CHDH: variants seen among roughly 807,000 people sequenced by gnomAD.
CHDH encodes the protein choline dehydrogenase.
CHDH carries 43 observed loss-of-function variants against 56.9 expected under a neutral mutation model. That is an observed-to-expected ratio of 0.76 (90% confidence interval 0.59 to 0.97). CHDH has a LOEUF of 0.97. Among genes scored for constraint, CHDH ranks in the 50% least tolerant of loss-of-function variants. The pLI, the probability that CHDH is intolerant of heterozygous loss-of-function variation, is 0.00. For synonymous variants in CHDH, 364 were observed against 348.5 expected, an observed-to-expected ratio of 1.04 and a Z score of -0.50; for missense variants, 816 against 821.1, an observed-to-expected ratio of 0.99 and a Z score of 0.08.
intron 1 of CHDH, among the ~76,000 whole-genome samples, chr3:53,844,123 C>G (rs1202485911): frequency 6.6e-6 from 1 of 152,180 alleles, no homozygotes; most frequent in African/African-American, 2.4e-5. Flanking sequence ...GAAACTGAAC[C>G]AGGTATCACC....
At position 53,819,505 on chromosome 3, in the gene CHDH, G is replaced by A. The variant is rs2095621983; in HGVS notation, c.1263+27C>T. On this transcript the variant is annotated intron_variant, in intron 7 of 8. Coordinates refer to ENST00000315251, the MANE Select transcript of CHDH (RefSeq NM_018397.5). The surrounding 1 kb of genome is among the most constrained non-coding windows in gnomAD (Gnocchi z 5.4). ...TCCTGGTGGGAAGGAGACATCCTGGGAAGCCGAGGCTCTTCCACCTGCTCA... is the reference window on the plus strand; with the variant it reads ...TCCTGGTGGGAAGGAGACATCCTGGAAAGCCGAGGCTCTTCCACCTGCTCA... 6.3e-7 allele frequency: 1 copy of A among 1,580,900 alleles called. No homozygotes were observed. Among genetic ancestry groups the A allele is most frequent in the South Asian group, 1.2e-5 (1 of 85,588 alleles).
intron 2 of CHDH, among the ~76,000 whole-genome samples, chr3:53,834,163 T>C (rs1698424118): frequency 6.6e-6 from 1 of 152,180 alleles, no homozygotes; most frequent in Non-Finnish European, 1.5e-5. Flanking sequence ...TAGTCAAAAA[T>C]TGGCCAGGTG....
rs1477632036 is a variant in CHDH at position 53,821,771 on chromosome 3, A to G, written c.861T>C (p.Tyr287=). ...YVKNGQSHRA[Y]ASKEVILSGG... ...CACTCAGAATCACCTCCTTGCTGGC[A>G]TAAGCCTGGAAGAGGTCCAGCCAGG... is the stretch of plus-strand genomic sequence containing the variant. The change falls in exon 5 of 9, where the codon TAT becomes TAC. Residue 287 remains tyrosine (Y), a synonymous_variant. Transcript: ENST00000315251. 1.9e-6 allele frequency: 3 copies of G among 1,613,864 alleles called. No individual in the cohort carries two copies. The highest frequency in any genetic ancestry group is 1.7e-4 in the Middle Eastern group (1 of 6,060).
At chr3:53,825,481 T>A (rs182804331) in intron 2 of CHDH, among the ~76,000 whole-genome samples, 1 of 152,052 alleles carries the variant, frequency 6.6e-6, no homozygotes, top group Non-Finnish European at 1.5e-5. Context: ...AGAAGAACAA[T>A]TTTTAATTGG....
intron 2 of CHDH, among the ~76,000 whole-genome samples, chr3:53,837,940 T>C (rs1698551356): frequency 8.6e-5 from 13 of 151,312 alleles, no homozygotes; most frequent in Admixed American, 8.6e-4. Context: ...CGCCTTGTAG[T>C]CCCAGCTACT....
In CHDH at chr3:53,818,071, C is replaced by T; in HGVS notation, c.1491G>A (p.Glu497=). ...CTTTTGCCCGCACAAAGGCATCTAT[C>T]TCTTTATCTGACTGAATGTGGCTTC... ...QPGSHIQSDK[E]IDAFVRAKAD... Residue 497 remains glutamate (E), a synonymous_variant, in exon 9 of 9, where the codon GAG becomes GAA. Coordinates refer to ENST00000315251, the MANE Select transcript of CHDH (RefSeq NM_018397.5). 6.2e-7 allele frequency: 1 copy of T among 1,614,214 alleles called. No individual in the cohort carries two copies. The highest frequency in any genetic ancestry group is 1.3e-5 in the African/African-American group (1 of 75,062).
At chr3:53,834,021 G>GCAC (rs1698418927) in intron 2 of CHDH, among the ~76,000 whole-genome samples, 2 of 152,040 alleles carry the variant, frequency 1.3e-5, no homozygotes, top group East Asian at 3.9e-4. Context: ...TGGCCACAGT[G>GCAC]GGTGGATCAA....
Position 53,812,523 on chromosome 3 carries a change from GTACCTTT to G in CHDH, c.*5247_*5253del, listed in dbSNP as rs1366244126. ...GCAAGAGTTCCATGATTTTGATACT[GTACCTTT>G]GGATCCACCATGGGTTGCAACTGTC... On this transcript the variant is annotated 3_prime_UTR_variant, in exon 9 of 9. Coordinates refer to ENST00000315251, the MANE Select transcript of CHDH (RefSeq NM_018397.5). The G allele has an allele frequency of 7.2e-5, 11 of 152,140 alleles. No homozygotes were observed. Among genetic ancestry groups the G allele is most frequent in the Non-Finnish European group, 1.5e-4 (10 of 68,030 alleles). 9.4% of individuals were successfully genotyped at this position (152,140 alleles called of 1,614,324 possible).
intron 1 of CHDH, among the ~76,000 whole-genome samples, chr3:53,844,337 A>G (rs1016258695): frequency 6.6e-6 from 1 of 152,036 alleles, no homozygotes; most frequent in Non-Finnish European, 1.5e-5. Context: ...CTCTTTTTAC[A>G]AAACCCCCTC....
chr3:53,820,460 G>A lies in CHDH; in HGVS notation c.1120+14C>T, dbSNP rs770282086. 6.2e-6 allele frequency: 10 copies of A among 1,603,980 alleles called. No individual in the cohort carries two copies. In the African/African-American group the frequency reaches 9.4e-5, roughly 15 times the overall value. On this transcript the variant is annotated intron_variant, in intron 6 of 8. Transcript: ENST00000315251. ...TAGGCAGTCTCCTCCCAGGTTACTG[G>A]TAAGCGTGCTCACCTGTGAATTTCC...
chr3:53,832,480 C>T (rs1226732746), intron 2 of CHDH, among the ~76,000 whole-genome samples: 3 of 151,588 alleles, frequency 2.0e-5, no homozygotes, highest in Non-Finnish European at 4.4e-5. Flanking sequence ...TGCAGTGAGC[C>T]GAGATCGTAC....
rs781459748 is a variant in CHDH at position 53,820,546 on chromosome 3, T to C, written c.1048A>G (p.Ile350Val). The C allele has an allele frequency of 9.9e-6, 16 of 1,613,922 alleles. No individual in the cohort carries two copies. Among genetic ancestry groups the C allele is most frequent in the South Asian group, 4.4e-5 (4 of 91,074 alleles). Residue 350 changes from isoleucine to valine, a missense_variant, in exon 6 of 9, where the codon ATC (isoleucine) becomes GTC (valine). Transcript: ENST00000315251. ...IYIQQACTRP[I>V]TLHSAQKPLR... ...GGCTTCTGTGCTGAATGGAGGGTGATAGGGCGGGTGCATGCCTGCTGAATG... is the reference window on the plus strand; with the variant it reads ...GGCTTCTGTGCTGAATGGAGGGTGACAGGGCGGGTGCATGCCTGCTGAATG...
In CHDH at chr3:53,815,906, A is replaced by G. The variant is rs2095614930; in HGVS notation, c.*1871T>C. The G allele has an allele frequency of 6.6e-6, 1 of 152,234 alleles. No individual in the cohort carries two copies. Among genetic ancestry groups the G allele is most frequent in the African/African-American group, 2.4e-5 (1 of 41,464 alleles). 9.4% of individuals were successfully genotyped at this position (152,234 alleles called of 1,614,324 possible). On this transcript the variant is annotated 3_prime_UTR_variant, in exon 9 of 9. Coordinates refer to ENST00000315251, the MANE Select transcript of CHDH (RefSeq NM_018397.5). ...CCCGAGACCCAGGTGACTGATGGCC[A>G]TGGACTGCTGCTGTGGGGCAGGTGG...
chr3:53,826,659 G>T (rs1198307485), intron 2 of CHDH, among the ~76,000 whole-genome samples: 1 of 152,172 alleles, frequency 6.6e-6, no homozygotes, highest in Non-Finnish European at 1.5e-5. Context: ...ATACCTGACG[G>T]TAAAAAATTC....
At position 53,822,610 on chromosome 3, in the gene CHDH, G is replaced by A. The variant is rs1167681207; in HGVS notation, c.736C>T (p.His246Tyr). Residue 246 changes from histidine (H) to tyrosine (Y), a missense_variant, in exon 4 of 9, where the codon CAC becomes TAC. Physicochemically the swap from His to Tyr is moderately conservative, Grantham distance 83. Transcript: ENST00000315251. ...AGGTTGGTGCGGCTCAGTGCTGGGT[G>A]CAGGTAGGCACAGGCCGCGCTCCAC... ...KRWSAACAYL[H>Y]PALSRTNLKA... 1 of 1,611,650 alleles carries A rather than the reference G, an allele frequency of 6.2e-7. No individual in the cohort carries two copies. Among genetic ancestry groups the A allele is most frequent in the African/African-American group, 1.3e-5 (1 of 74,950 alleles).
At position 53,824,292 on chromosome 3, in the gene CHDH, A is replaced by G. The variant is rs559269145; in HGVS notation, c.-59-225T>C. Reference sequence around the variant, plus strand: ...GGGCAGCAGAAAGGCCCCTCCCCCAACTGAGGGGTAAAATGCTTCCCTGTG... The same window carrying G: ...GGGCAGCAGAAAGGCCCCTCCCCCAGCTGAGGGGTAAAATGCTTCCCTGTG... On this transcript the variant is annotated intron_variant, in intron 2 of 8. Transcript: ENST00000315251. Among the ~76,000 whole-genome samples the G allele has an allele frequency of 3.9e-5, 6 of 152,330 alleles. No individual in the cohort carries two copies. In the East Asian group the frequency reaches 7.7e-4, roughly 20 times the overall value.
rs2095636035 is a variant in CHDH at position 53,824,812 on chromosome 3, A to C, written c.-59-745T>G. 2.0e-5 allele frequency among the ~76,000 whole-genome samples: 3 copies of C among 152,340 alleles called. No individual in the cohort carries two copies. In the South Asian group the frequency reaches 6.2e-4, roughly 32 times the overall value. ...TAGAAAAGAAACAGGATATGTCATG[A>C]AAACCTCCATTGAAAAGAACACCTG... On this transcript the variant is annotated intron_variant, in intron 2 of 8. Transcript: ENST00000315251.
At chr3:53,818,498 AGTGGGGCT>A (rs1425883848) in intron 8 of CHDH, among the ~76,000 whole-genome samples, 1 of 152,192 alleles carries the variant, frequency 6.6e-6, no homozygotes, top group African/African-American at 2.4e-5. Context: ...CCCCTGCTAC[AGTGGGGCT>A]GTGAGCACCC....
At chr3:53,833,683 T>C (rs1698409422) in intron 2 of CHDH, among the ~76,000 whole-genome samples, 1 of 152,168 alleles carries the variant, frequency 6.6e-6, no homozygotes, top group African/African-American at 2.4e-5. Context: ...GGCTTCCCTT[T>C]TGACTCTGGG....
Sources: allele counts gnomAD v4.1 joint callset (sites outside exome capture counted in the v4.1 genomes callset), GRCh38; gene constraint gnomAD v4.1.1; non-coding constraint Gnocchi (gnomAD v3.1); transcripts MANE v1.5; gene names NCBI Gene and HGNC (gene_info 2026-07-23, HGNC 2026-07-21).